PCLO: variants seen among roughly 807,000 people sequenced by gnomAD.
PCLO encodes protein piccolo.
A neutral mutation model predicts 427.5 loss-of-function variants in PCLO; 82 were observed. The observed-to-expected ratio is 0.19, with a 90% CI of 0.16 to 0.23. PCLO has a LOEUF of 0.23. PCLO is among the 10% of genes least tolerant of loss of function. The probability of loss-of-function intolerance (pLI) is 1.00; values close to 1 mark genes in which losing one functional copy is unlikely to be tolerated. For synonymous variants in PCLO, 2,357 were observed against 2,155.4 expected, an observed-to-expected ratio of 1.09 and a Z score of -2.59; for missense variants, 6,239 against 6,115.9, an observed-to-expected ratio of 1.02 and a Z score of -0.67.
intron 3 of PCLO, among the ~76,000 whole-genome samples, chr7:83,090,743 TA>T (rs1178714723): frequency 6.6e-6 from 1 of 152,146 alleles, no homozygotes; most frequent in Non-Finnish European, 1.5e-5. Context: ...TATATATTTT[TA>T]AATTACATTT....
chr7:83,143,426 C>G (rs1354155711), intron 2 of PCLO, among the ~76,000 whole-genome samples: 1 of 152,132 alleles, frequency 6.6e-6, no homozygotes, highest in Non-Finnish European at 1.5e-5. Flanking sequence ...TAAAATAATA[C>G]ATCCAGAAAT....
At chr7:82,796,785 C>G (rs561714011) in intron 22 of PCLO, among the ~76,000 whole-genome samples, 3 of 148,170 alleles carry the variant, frequency 2.0e-5, no homozygotes, top group South Asian at 4.5e-4. Flanking sequence ...AGCATGCTTA[C>G]TGGCTGCTGA....
chr7:83,021,984 T>C (rs910963222), intron 3 of PCLO, among the ~76,000 whole-genome samples: 1 of 152,200 alleles, frequency 6.6e-6, no homozygotes, highest in East Asian at 1.9e-4. Flanking sequence ...TTTTTGGATA[T>C]GTTATGGTCT....
intron 3 of PCLO, among the ~76,000 whole-genome samples, chr7:83,114,892 C>T (rs546065187): frequency 6.6e-6 from 1 of 152,088 alleles, no homozygotes; most frequent in African/African-American, 2.4e-5. Flanking sequence ...ACACTATTCA[C>T]TTCTATTTAT....
chr7:82,869,253 T>C (rs1793172589), intron 10 of PCLO, among the ~76,000 whole-genome samples: 1 of 152,144 alleles, frequency 6.6e-6, no homozygotes. Flanking sequence ...ATAATATTGT[T>C]AATAAGTTTA....
intron 22 of PCLO, among the ~76,000 whole-genome samples, chr7:82,792,491 C>G (rs1198524463): frequency 1.3e-5 from 2 of 151,896 alleles, no homozygotes; most frequent in Non-Finnish European, 2.9e-5. Context: ...CCACACCCAG[C>G]TAATTTTCGT....
intron 9 of PCLO, among the ~76,000 whole-genome samples, chr7:82,882,116 T>A (rs529525793): frequency 6.6e-6 from 1 of 152,326 alleles, no homozygotes; most frequent in Admixed American, 6.5e-5. Flanking sequence ...ATTTATATAA[T>A]TTTAAAGAAT....
chr7:82,987,297 A>C (rs936685920), intron 3 of PCLO, among the ~76,000 whole-genome samples: 33 of 152,036 alleles, frequency 2.2e-4, no homozygotes, highest in Non-Finnish European at 4.9e-4. Context: ...TCAGTTTCTA[A>C]AATGGAGACA....
At chr7:82,760,827 A>G (rs756390962) in intron 23 of PCLO, 43 bp from the exon 24 acceptor site, 2 of 1,100,638 alleles carry the variant, frequency 1.8e-6, no homozygotes, top group South Asian at 3.4e-5. Context: ...TCAATCATAT[A>G]AATTTCTATT....
At chr7:83,024,068 C>T (rs1788414509) in intron 3 of PCLO, among the ~76,000 whole-genome samples, 1 of 152,176 alleles carries the variant, frequency 6.6e-6, no homozygotes, top group African/African-American at 2.4e-5. Flanking sequence ...ATGATACATA[C>T]TCAGATAAGA....
At chr7:83,070,457 A>G (rs369124756) in intron 3 of PCLO, among the ~76,000 whole-genome samples, 1,860 of 147,040 alleles carry the variant, frequency 0.013, 44 homozygotes, top group African/African-American at 0.043. Context: ...GCGTGATCTC[A>G]GCTCAGTGCA....
intron 3 of PCLO, among the ~76,000 whole-genome samples, chr7:83,007,634 T>C (rs1217297663): frequency 2.0e-5 from 3 of 151,544 alleles, no homozygotes; most frequent in African/African-American, 7.3e-5. Context: ...AAAATATATG[T>C]ATCATAAAAT....
At position 82,954,093 on chromosome 7, in the gene PCLO, T is replaced by A; in HGVS notation, c.6860A>T (p.Asp2287Val). 6.2e-7 allele frequency: 1 copy of A among 1,613,882 alleles called. No homozygotes were observed. Among genetic ancestry groups the A allele is most frequent in the Non-Finnish European group, 8.5e-7 (1 of 1,179,832 alleles). The change falls in exon 5 of 25, where the codon GAC (aspartate) becomes GTC (valine). Residue 2287 changes from aspartate to valine, a missense_variant. Asp to Val is a radical substitution (Grantham distance 152). Around this residue, in one of 5 missense-constraint regions of PCLO, gnomAD observed 4,677 missense variants for 4,468.4 expected, o/e 1.05. Transcript: ENST00000333891. ...TATAAGTAAGTCAGTAGAAACAGTG[T>A]CAGCAACTGGCCCTTCAGGTTTAGG... ...VVPKPEGPVA[D>V]TVSTDLLISE...
At chr7:82,917,134 A>C (rs921828805) in intron 6 of PCLO, among the ~76,000 whole-genome samples, 1 of 152,248 alleles carries the variant, frequency 6.6e-6, no homozygotes, top group Admixed American at 6.5e-5. Flanking sequence ...ATTAATATAC[A>C]TAAGATTATT....
intron 10 of PCLO, among the ~76,000 whole-genome samples, chr7:82,850,332 T>C (rs552866881): frequency 6.6e-6 from 1 of 152,216 alleles, no homozygotes; most frequent in East Asian, 1.9e-4. Flanking sequence ...AATAGGAAAT[T>C]AAGACAGTCT....
chr7:83,055,606 G>A lies in PCLO; in HGVS notation c.3300+78644C>T, dbSNP rs113279060. 5.0e-3 allele frequency among the ~76,000 whole-genome samples: 766 copies of A among 152,168 alleles called. 2 individuals carry two copies. The highest frequency in any genetic ancestry group is 0.017 in the African/African-American group (715 of 41,540). On this transcript the variant is annotated intron_variant, in intron 3 of 24. Coordinates refer to ENST00000333891, the MANE Select transcript of PCLO (RefSeq NM_033026.6). ...AAGCTGTCAAAGTCAATTATTTGCA[G>A]GGATGTAGGGTAAAAGAGGTTGTCA...
At chr7:82,802,233 T>C (rs895097939) in intron 21 of PCLO, among the ~76,000 whole-genome samples, 1 of 138,514 alleles carries the variant, frequency 7.2e-6, no homozygotes, top group Non-Finnish European at 1.6e-5. Flanking sequence ...GATATAAAGA[T>C]AATAATATTA....
At chr7:82,899,730 A>G (rs972524334) in intron 9 of PCLO, among the ~76,000 whole-genome samples, 13 of 151,714 alleles carry the variant, frequency 8.6e-5, no homozygotes, top group Admixed American at 5.3e-4. Context: ...AATATTTACT[A>G]AAGAGCTGGC....
At chr7:83,011,238 T>C (rs1272866704) in intron 3 of PCLO, among the ~76,000 whole-genome samples, 2 of 152,092 alleles carry the variant, frequency 1.3e-5, no homozygotes, top group African/African-American at 4.8e-5. Flanking sequence ...GAAATATCTT[T>C]AACTTATAAA....
Sources: gnomAD v4.1 joint callset for allele counts (sites outside exome capture counted in the v4.1 genomes callset) on GRCh38, gnomAD v4.1.1 for gene constraint, gnomAD v4.1.1 regional missense constraint, MANE v1.5 for transcripts, NCBI Gene and HGNC (gene_info 2026-07-23, HGNC 2026-07-21) for gene names.